ASIP: variants seen among roughly 807,000 people sequenced by gnomAD.
ASIP encodes the protein agouti signaling protein.
ASIP carries 11 observed loss-of-function variants against 10.3 expected under a neutral mutation model. That is an observed-to-expected ratio of 1.07 (90% CI 0.68 to 1.78). The LOEUF (loss-of-function observed/expected upper bound fraction) is 1.78. Among genes scored for constraint, ASIP ranks in the 40% most tolerant of loss-of-function variants. The probability of loss-of-function intolerance (pLI) is 0.00; values close to 1 mark genes in which losing one functional copy is unlikely to be tolerated. For synonymous variants in ASIP, 70 were observed against 70.8 expected (o/e 0.99, Z 0.06); for missense variants, 180 against 169.2 (o/e 1.06, Z -0.35).
At chr20:34,268,075 T>C (rs1255187445) in intron 3 of ASIP, among the ~76,000 whole-genome samples, 1 of 152,196 alleles carries the variant, frequency 6.6e-6, no homozygotes, top group Non-Finnish European at 1.5e-5. Context: ...GGAAGAATAT[T>C]TTTATATTGC....
At chr20:34,187,310 G>A in the ASIP span, among the ~76,000 whole-genome samples, 19,139 of 152,084 alleles carry the variant, frequency 0.13, 3,713 homozygotes, top group African/African-American at 0.41. Context: ...AAAGATTCTC[G>A]GGGCAGAATT....
At chr20:34,188,554 C>T in the ASIP span, among the ~76,000 whole-genome samples, 1 of 152,128 alleles carries the variant, frequency 6.6e-6, no homozygotes, top group Admixed American at 6.5e-5. Context: ...GACCTCAGAA[C>T]TGGAGTGCTC....
At chr20:34,223,225 G>T (rs1248275493) in intron 1 of ASIP, among the ~76,000 whole-genome samples, 1 of 151,314 alleles carries the variant, frequency 6.6e-6, no homozygotes, top group Non-Finnish European at 1.5e-5. Flanking sequence ...GAAGTGAGGA[G>T]CGTCTCTGCC....
At chr20:34,205,743 C>T (rs2122543459) in intron 1 of ASIP, among the ~76,000 whole-genome samples, 1 of 151,218 alleles carries the variant, frequency 6.6e-6, no homozygotes. Flanking sequence ...TTTAGCTAGA[C>T]ACAGAGTGTT....
chr20:34,214,950 A>G lies in ASIP; in HGVS notation c.-11+20190A>G, dbSNP rs2034997869. The G allele has an allele frequency of 2.8e-6, 4 of 1,432,050 alleles. No homozygotes were observed. In the African/African-American group the frequency reaches 4.2e-5, roughly 15 times the overall value. 88.7% of individuals were successfully genotyped at this position (1,432,050 alleles called of 1,614,324 possible). A position where few individuals can be genotyped will look rare whatever the true frequency, so the allele number is the denominator to read the frequency against. ...TCCCATTCTTAGTTAATTTACTCCA[A>G]CTAACTATCCATGACTGTCCCATTC... On this transcript the variant is annotated intron_variant, in intron 1 of 3. Coordinates refer to the ASIP transcript ENST00000568305.
intron 1 of ASIP, among the ~76,000 whole-genome samples, chr20:34,202,361 G>C (rs956965907): frequency 6.6e-6 from 1 of 152,156 alleles, no homozygotes; most frequent in Non-Finnish European, 1.5e-5. Flanking sequence ...TACAGATATT[G>C]TCAGTTTTCC....
intron 1 of ASIP, among the ~76,000 whole-genome samples, chr20:34,235,880 A>G (rs2035189427): frequency 3.0e-5 from 3 of 98,864 alleles, no homozygotes; most frequent in African/African-American, 1.8e-4. Flanking sequence ...GAAGGAAGGA[A>G]GGAAGGAAGG....
intron 1 of ASIP, among the ~76,000 whole-genome samples, chr20:34,255,268 G>A (rs1365256131): frequency 2.0e-5 from 3 of 152,096 alleles, no homozygotes; most frequent in East Asian, 1.9e-4. Flanking sequence ...CAGCCCCCTC[G>A]TTCTCAATCC....
At chr20:34,215,881 C>T (rs2035004818) in intron 1 of ASIP, 4 of 1,022,494 alleles carry the variant, frequency 3.9e-6, no homozygotes, top group Non-Finnish European at 6.2e-6. Context: ...CTAATAGAGC[C>T]TGTTTATCCA....
At chr20:34,221,310 G>A (rs2035045924) in intron 1 of ASIP, among the ~76,000 whole-genome samples, 1 of 151,854 alleles carries the variant, frequency 6.6e-6, no homozygotes, top group Admixed American at 6.6e-5. Context: ...CCTGGGAGGC[G>A]GAGCTTAAGG....
intron 1 of ASIP, among the ~76,000 whole-genome samples, chr20:34,205,674 A>ATTTTACAGAGCGCTGATTTTGCCG (rs1213246222): frequency 3.6e-5 from 4 of 111,292 alleles, no homozygotes; most frequent in Admixed American, 1.5e-4. Context: ...TGATTTCTCC[A>ATTTTACAGAGCGCTGATTTTGCCG]TTTTACAGAG....
Position 34,262,828 on chromosome 20 carries a change from G to A in ASIP, c.161-4G>A. 6.2e-7 allele frequency: 1 copy of A among 1,613,784 alleles called. No individual in the cohort carries two copies. Among genetic ancestry groups the A allele is most frequent in the Non-Finnish European group, 8.5e-7 (1 of 1,179,864 alleles). ...GACTTTGCTCCTTTTGTCTCTCTTTGAAGCGCTGAACAAGAAATCCAAACA... is the reference window on the plus strand; with the variant it reads ...GACTTTGCTCCTTTTGTCTCTCTTTAAAGCGCTGAACAAGAAATCCAAACA... On this transcript the variant is annotated splice_polypyrimidine_tract_variant and splice_region_variant and intron_variant, in intron 2 of 3. Coordinates refer to ENST00000374954, the MANE Select transcript of ASIP (RefSeq NM_001672.3).
At chr20:34,204,295 G>A (rs879402969) in intron 1 of ASIP, among the ~76,000 whole-genome samples, 6 of 149,764 alleles carry the variant, frequency 4.0e-5, no homozygotes, top group South Asian at 2.1e-4. Context: ...ATCTTGGCTC[G>A]CCGCAACCTC....
At chr20:34,188,640 A>G in the ASIP span, among the ~76,000 whole-genome samples, 2 of 152,224 alleles carry the variant, frequency 1.3e-5, no homozygotes, top group African/African-American at 4.8e-5. Context: ...TCTGTTTATG[A>G]AAAATGACAG....
chr20:34,223,424 C>G (rs1434188346), intron 1 of ASIP, among the ~76,000 whole-genome samples: 1 of 151,628 alleles, frequency 6.6e-6, no homozygotes, highest in Non-Finnish European at 1.5e-5. Context: ...AGGAGCCTCT[C>G]CGCCCGGCAG....
At position 34,260,513 on chromosome 20, in the gene ASIP, G is replaced by A; in HGVS notation, c.139G>A (p.Val47Ile). ...RSNSSVNLLD[V>I]PSVSIVALNK... is the part of the protein sequence containing the mutation. ...CAACTCCTCTGTGAACCTACTGGATGTCCCTTCTGTCTCTATTGTGGGTAA... is the reference window on the plus strand; with the variant it reads ...CAACTCCTCTGTGAACCTACTGGATATCCCTTCTGTCTCTATTGTGGGTAA... Residue 47 changes from valine (V) to isoleucine (I), a missense_variant, in exon 2 of 4, where the codon GTC (valine) becomes ATC (isoleucine). Val to Ile is a conservative substitution (Grantham distance 29, BLOSUM62 3). Transcript: ENST00000374954. The A allele has an allele frequency of 2.5e-6, 4 of 1,613,270 alleles. No homozygotes were observed. The highest frequency in any genetic ancestry group is 1.1e-5 in the South Asian group (1 of 90,970).
At chr20:34,251,608 CAAT>C (rs2035478887) in intron 1 of ASIP, among the ~76,000 whole-genome samples, 2 of 152,168 alleles carry the variant, frequency 1.3e-5, no homozygotes, top group Admixed American at 6.5e-5. Flanking sequence ...CCCAGTGGCA[CAAT>C]GACAGGGAGG....
chr20:34,231,909 CTT>C (rs1198230071), intron 1 of ASIP, among the ~76,000 whole-genome samples: 1 of 152,158 alleles, frequency 6.6e-6, no homozygotes, highest in Non-Finnish European at 1.5e-5. Flanking sequence ...TAGGATTTGA[CTT>C]TACCCTACTT....
chr20:34,269,187 C>T lies in ASIP; in HGVS notation c.*20C>T. The T allele has an allele frequency of 6.7e-7, 1 of 1,484,186 alleles. No homozygotes were observed. The highest frequency in any genetic ancestry group is 9.0e-7 in the Non-Finnish European group (1 of 1,116,926). The allele number at this position is 1,484,186 out of a possible 1,614,324, so 91.9% of individuals were successfully genotyped here. On this transcript the variant is annotated 3_prime_UTR_variant, in exon 4 of 4. Transcript: ENST00000374954. ...TGCTGAGCGCCCCCACTCCCGGCCG[C>T]GAGCAGGCAGGGCTTCGGGGACGCG...
Sources: allele counts gnomAD v4.1 joint callset (sites outside exome capture counted in the v4.1 genomes callset), GRCh38; gene constraint gnomAD v4.1.1; transcripts MANE v1.5; gene names NCBI Gene and HGNC (gene_info 2026-07-23, HGNC 2026-07-21).